WIF1: variants seen among roughly 807,000 people sequenced by gnomAD.
The protein encoded by WIF1 is Wnt inhibitory factor 1.
A neutral mutation model predicts 53.5 loss-of-function variants in WIF1; 35 were observed. That is an observed-to-expected ratio of 0.65 (90% CI 0.50 to 0.87). The LOEUF (loss-of-function observed/expected upper bound fraction) is 0.87, where lower values mean the gene tolerates loss of function less well. WIF1 is among the 40% of genes least tolerant of loss of function. WIF1 has a pLI of 0.00. For missense variants in WIF1, 467 were observed against 476.8 expected, an observed-to-expected ratio of 0.98 and a Z score of 0.19; for synonymous variants, 171 against 170.4, an observed-to-expected ratio of 1.00 and a Z score of -0.03.
chr12:65,062,980 A>G (rs1233128754), intron 6 of WIF1, among the ~76,000 whole-genome samples: 1 of 152,228 alleles, frequency 6.6e-6, no homozygotes, highest in Admixed American at 6.5e-5. Context: ...TTTGGAATAG[A>G]TAAAAGAGAA....
At position 65,057,784 on chromosome 12, in the gene WIF1, C is replaced by A. The variant is rs1565747993; in HGVS notation, c.827-1658G>T. On this transcript the variant is annotated intron_variant, in intron 7 of 9. Transcript: ENST00000286574. ...GAAAGCTGCGAAAGAAGTCAACCCC[C>A]ATATATTTTACTGACAAGTACTATT... is the stretch of plus-strand genomic sequence containing the variant. 2.6e-5 allele frequency among the ~76,000 whole-genome samples: 4 copies of A among 152,156 alleles called. No homozygotes were observed. In the East Asian group the frequency reaches 7.7e-4, roughly 29 times the overall value.
chr12:65,121,015 G>A, intron 1 of WIF1, 29 bp downstream of exon 1: 1 of 1,436,638 alleles, frequency 7.0e-7, no homozygotes, highest in South Asian at 1.5e-5. Context: ...GACATAGGCA[G>A]GGGAAGGCGC....
At chr12:65,080,426 A>C (rs1315231911) in intron 2 of WIF1, among the ~76,000 whole-genome samples, 3 of 152,190 alleles carry the variant, frequency 2.0e-5, no homozygotes, top group South Asian at 2.1e-4. Flanking sequence ...AAGGTAATTC[A>C]ATTTGGAATG....
intron 2 of WIF1, among the ~76,000 whole-genome samples, chr12:65,089,530 A>G (rs983816782): frequency 2.6e-5 from 4 of 152,116 alleles, no homozygotes; most frequent in Admixed American, 2.0e-4. Flanking sequence ...TCTTATTACA[A>G]TGAAGACTTT....
intron 8 of WIF1, among the ~76,000 whole-genome samples, chr12:65,055,462 G>A (rs1882508867): frequency 6.6e-6 from 1 of 152,176 alleles, no homozygotes. Flanking sequence ...CTGGAGCATG[G>A]AAGTTTATTT....
chr12:65,057,683 C>A (rs1326252812), intron 7 of WIF1, among the ~76,000 whole-genome samples: 2 of 152,086 alleles, frequency 1.3e-5, no homozygotes, highest in African/African-American at 4.8e-5. Flanking sequence ...CTTCTAGGTA[C>A]ATAAGGAGAA....
At chr12:65,112,404 T>TCTCACACA (rs1555188370) in intron 2 of WIF1, among the ~76,000 whole-genome samples, 93 of 123,536 alleles carry the variant, frequency 7.5e-4, no homozygotes, top group African/African-American at 2.5e-3. Flanking sequence ...CCTGCTCTAA[T>TCTCACACA]CACACACACA....
chr12:65,110,495 C>T (rs1164822031), intron 2 of WIF1, among the ~76,000 whole-genome samples: 1 of 152,184 alleles, frequency 6.6e-6, no homozygotes, highest in African/African-American at 2.4e-5. Context: ...CTAGCTGCAT[C>T]CCCCTCTGTG....
chr12:65,106,089 CA>C (rs1158050557), intron 2 of WIF1, among the ~76,000 whole-genome samples: 1 of 152,132 alleles, frequency 6.6e-6, no homozygotes, highest in Non-Finnish European at 1.5e-5. Flanking sequence ...TATCTCCATT[CA>C]GGATGGCATA....
intron 2 of WIF1, among the ~76,000 whole-genome samples, chr12:65,082,081 GC>G (rs1882958948): frequency 6.6e-6 from 1 of 152,110 alleles, no homozygotes; most frequent in Admixed American, 6.6e-5. Flanking sequence ...TAAATTAAAA[GC>G]CACAAGAAAT....
In WIF1 at chr12:65,056,028, T is replaced by TA. The variant is rs1363125243; in HGVS notation, c.922+2dup. The TA allele has an allele frequency of 6.2e-6, 10 of 1,613,654 alleles. No individual in the cohort carries two copies. The highest frequency in any genetic ancestry group is 2.2e-5 in the East Asian group (1 of 44,866). On this transcript the variant is annotated splice_region_variant and intron_variant, in intron 8 of 9. Coordinates refer to ENST00000286574, the MANE Select transcript of WIF1 (RefSeq NM_007191.5). ...AGATTGGCAATGTGTATGGGGTACT[T>TA]ACGCTTTGAACAGAGGTCTCCCTGG...
intron 2 of WIF1, among the ~76,000 whole-genome samples, chr12:65,086,020 G>A (rs114981125): frequency 0.02 from 3,000 of 152,004 alleles, 109 homozygotes; most frequent in African/African-American, 0.069. Flanking sequence ...GGGCTATATT[G>A]CTATTTTGTA....
chr12:65,084,153 T>C (rs1451106987), intron 2 of WIF1, among the ~76,000 whole-genome samples: 1 of 152,204 alleles, frequency 6.6e-6, no homozygotes, highest in East Asian at 1.9e-4. Flanking sequence ...TTATATCTTA[T>C]GATTCTGTAC....
chr12:65,055,236 G>A, intron 8 of WIF1, 23 bp from the exon 9 acceptor site: 1 of 1,606,856 alleles, frequency 6.2e-7, no homozygotes, highest in Non-Finnish European at 8.5e-7. Context: ...GAAATAAAAA[G>A]AGTATTTCCT....
chr12:65,114,561 T>A (rs1370455263), intron 2 of WIF1, among the ~76,000 whole-genome samples: 2 of 152,028 alleles, frequency 1.3e-5, no homozygotes, highest in Middle Eastern at 3.2e-3. Context: ...TTACTTCTGA[T>A]AGTTTTCAGT....
Position 65,121,150 on chromosome 12 carries a change from G to C in WIF1, c.42C>G (p.Leu14=). The C allele has an allele frequency of 6.5e-7, 1 of 1,548,346 alleles. No individual in the cohort carries two copies. The highest frequency in any genetic ancestry group is 8.7e-7 in the Non-Finnish European group (1 of 1,145,950). Reference sequence around the variant, plus strand: ...CCAGCAGGCACAGGAGGATGCTCCAGAGCCAGAGCGCGGCGGCAGGGAAGG... The same window carrying C: ...CCAGCAGGCACAGGAGGATGCTCCACAGCCAGAGCGCGGCGGCAGGGAAGG... ...RSAFPAAALW[L]WSILLCLLAL... The change falls in exon 1 of 10, where the codon CTC becomes CTG. Residue 14 remains leucine (L), a synonymous_variant. Transcript: ENST00000286574.
At chr12:65,087,198 C>G (rs1883053081) in intron 2 of WIF1, among the ~76,000 whole-genome samples, 1 of 152,016 alleles carries the variant, frequency 6.6e-6, no homozygotes, top group African/African-American at 2.4e-5. Context: ...TACCCTCACA[C>G]CTTATGCAGT....
At chr12:65,097,274 G>T (rs1259931541) in intron 2 of WIF1, among the ~76,000 whole-genome samples, 1 of 151,972 alleles carries the variant, frequency 6.6e-6, no homozygotes, top group East Asian at 1.9e-4. Context: ...AGAGTCACAA[G>T]ATGCAAGCCG....
chr12:65,083,807 C>CTCT (rs1882988403), intron 2 of WIF1: 4 of 246,400 alleles, frequency 1.6e-5, no homozygotes, highest in East Asian at 1.5e-4. Flanking sequence ...CTTTCCTTTC[C>CTCT]TTTCCTTTCC....
Sources: allele counts gnomAD v4.1 joint callset (sites outside exome capture counted in the v4.1 genomes callset), GRCh38; gene constraint gnomAD v4.1.1; transcripts MANE v1.5; gene names NCBI Gene and HGNC (gene_info 2026-07-23, HGNC 2026-07-21).